ADRA1D: variants seen among roughly 807,000 people sequenced by gnomAD.
ADRA1D encodes adrenoceptor alpha 1D.
In ADRA1D, 22 loss-of-function variants were observed where a neutral mutation model predicts 18.6. The ratio of observed to expected loss-of-function variants is 1.19; its 90% CI spans 0.85 to 1.69. ADRA1D has a LOEUF of 1.69. ADRA1D is among the 40% of genes most tolerant of loss of function. The pLI is 0.00. For missense variants in ADRA1D, 840 were observed against 840.7 expected, an observed-to-expected ratio of 1.00 and a Z score of 0.01; for synonymous variants, 376 against 388.2, an observed-to-expected ratio of 0.97 and a Z score of 0.37.
chr20:4,230,640 C>T (rs896583290), intron 1 of ADRA1D, among the ~76,000 whole-genome samples: 4 of 152,240 alleles, frequency 2.6e-5, no homozygotes, highest in African/African-American at 9.6e-5. Flanking sequence ...CCTTTCCCTT[C>T]TGAAAACTGT....
intron 1 of ADRA1D, among the ~76,000 whole-genome samples, chr20:4,246,402 TA>T (rs1216644381): frequency 6.6e-6 from 1 of 152,256 alleles, no homozygotes; most frequent in East Asian, 1.9e-4. Context: ...AGCCAAGACC[TA>T]AAGGATAGAG....
chr20:4,229,435 T>C (rs1980903466), intron 1 of ADRA1D, among the ~76,000 whole-genome samples: 1 of 150,688 alleles, frequency 6.6e-6, no homozygotes, highest in Admixed American at 6.6e-5. Context: ...TGGGGGCGAG[T>C]GTGCTTGTGA....
intron 1 of ADRA1D, among the ~76,000 whole-genome samples, chr20:4,240,779 G>A (rs1981193371): frequency 6.6e-6 from 1 of 152,108 alleles, no homozygotes; most frequent in African/African-American, 2.4e-5. Context: ...GGGAGACAGA[G>A]AGACTCCATC....
intron 1 of ADRA1D, among the ~76,000 whole-genome samples, chr20:4,243,623 C>T (rs1033194101): frequency 6.6e-6 from 1 of 152,116 alleles, no homozygotes; most frequent in African/African-American, 2.4e-5. Context: ...TCACTATGCA[C>T]GGAGCAGGCA....
rs555566286 is a variant in ADRA1D at position 4,230,719 on chromosome 20, C to A, written c.1112-8589G>T. On this transcript the variant is annotated intron_variant, in intron 1 of 1. Coordinates refer to ENST00000379453, the MANE Select transcript of ADRA1D (RefSeq NM_000678.4). Reference sequence around the variant, plus strand: ...CTGCTCACAAGGAAACACAACGTTTCTAGGGCCAGTGCTGTCTTTGTCCTG... The same window carrying A: ...CTGCTCACAAGGAAACACAACGTTTATAGGGCCAGTGCTGTCTTTGTCCTG... Among the ~76,000 whole-genome samples, 12 of 152,378 alleles carry A rather than the reference C, an allele frequency of 7.9e-5. No individual in the cohort carries two copies. The South Asian group carries it at 2.5e-3, about 32-fold the overall frequency.
intron 1 of ADRA1D, among the ~76,000 whole-genome samples, chr20:4,234,752 ATACAG>A (rs1981049986): frequency 6.6e-6 from 1 of 152,188 alleles, no homozygotes; most frequent in African/African-American, 2.4e-5. Context: ...AGCCTCTCTA[ATACAG>A]TACACTTGAG....
In ADRA1D at chr20:4,248,200, C is replaced by T; in HGVS notation, c.758G>A (p.Gly253Asp). Residue 253 changes from glycine (G) to aspartate (D), a missense_variant, in exon 1 of 2, where the codon GGC becomes GAC. By Grantham distance (94) the Gly-to-Asp change is moderately conservative (BLOSUM62 -1). Coordinates refer to ENST00000379453, the MANE Select transcript of ADRA1D (RefSeq NM_000678.4). ...GCACACGGAGGAGAAGACAGCGTAG[C>T]CCGCCTCCTCGGTGATACCGCAGAA... Reference protein sequence around the residue: ...ERFCGITEEAGYAVFSSVCSF... With the variant: ...ERFCGITEEADYAVFSSVCSF... 4 of 1,590,396 alleles carry T rather than the reference C, an allele frequency of 2.5e-6. No homozygotes were observed. Among genetic ancestry groups the T allele is most frequent in the Admixed American group, 1.8e-5 (1 of 56,170 alleles).
chr20:4,227,015 C>G (rs1600845884), intron 1 of ADRA1D, among the ~76,000 whole-genome samples: 1 of 152,204 alleles, frequency 6.6e-6, no homozygotes, highest in Non-Finnish European at 1.5e-5. Context: ...ATGCAGGGAT[C>G]TCTGGAAGTC....
chr20:4,223,252 T>C (rs766625166), intron 1 of ADRA1D, among the ~76,000 whole-genome samples: 5 of 152,260 alleles, frequency 3.3e-5, no homozygotes, highest in Non-Finnish European at 7.3e-5. Flanking sequence ...TGCAGAAGCA[T>C]ATTCATTAGC....
Position 4,221,868 on chromosome 20 carries a change from G to A in ADRA1D, c.1374C>T (p.Pro458=), listed in dbSNP as rs1008039802. 4.8e-6 allele frequency: 7 copies of A among 1,463,282 alleles called. No individual in the cohort carries two copies. Among genetic ancestry groups the A allele is most frequent in the Non-Finnish European group, 5.4e-6 (6 of 1,116,470 alleles). The allele number at this position is 1,463,282 out of a possible 1,614,324, so 90.6% of individuals were successfully genotyped here. A position where few individuals can be genotyped will look rare whatever the true frequency, so the allele number is the denominator to read the frequency against. The change falls in exon 2 of 2, where the codon CCC becomes CCT. Residue 458 remains proline (P), a synonymous_variant. Coordinates refer to ENST00000379453, the MANE Select transcript of ADRA1D (RefSeq NM_000678.4). ...DCAPSSGDAP[P]GAPLALTALP... Reference sequence around the variant, plus strand: ...GCGCGGTGAGGGCCAGCGGCGCTCCGGGGGGCGCGTCGCCCGAACTCGGGG... The same window carrying A: ...GCGCGGTGAGGGCCAGCGGCGCTCCAGGGGGCGCGTCGCCCGAACTCGGGG...
intron 1 of ADRA1D, among the ~76,000 whole-genome samples, chr20:4,244,941 C>T (rs1180724578): frequency 6.6e-6 from 1 of 152,220 alleles, no homozygotes; most frequent in Non-Finnish European, 1.5e-5. Flanking sequence ...AAGCCTGGTG[C>T]AGCACAGACC....
At chr20:4,236,064 G>A (rs1027733790) in intron 1 of ADRA1D, among the ~76,000 whole-genome samples, 3 of 152,194 alleles carry the variant, frequency 2.0e-5, no homozygotes, top group African/African-American at 7.2e-5. Context: ...TCGGTGGGAT[G>A]GAAAGCTGAA....
intron 1 of ADRA1D, among the ~76,000 whole-genome samples, chr20:4,245,739 G>A (rs2122679147): frequency 1.3e-5 from 2 of 152,286 alleles, no homozygotes; most frequent in South Asian, 4.1e-4. Context: ...GGGCACCCAG[G>A]AGCCCAGCAC....
chr20:4,236,235 T>G (rs1981088382), intron 1 of ADRA1D, among the ~76,000 whole-genome samples: 2 of 152,216 alleles, frequency 1.3e-5, no homozygotes, highest in Admixed American at 6.5e-5. Flanking sequence ...ACCTCTCTGG[T>G]GCCTCAGTTT....
intron 1 of ADRA1D, among the ~76,000 whole-genome samples, chr20:4,241,592 A>G (rs1176463342): frequency 6.6e-6 from 1 of 152,170 alleles, no homozygotes; most frequent in Non-Finnish European, 1.5e-5. Context: ...AGGTGCCACA[A>G]AGCACAGGTA....
At chr20:4,237,771 C>T (rs1981128041) in intron 1 of ADRA1D, among the ~76,000 whole-genome samples, 1 of 150,972 alleles carries the variant, frequency 6.6e-6, no homozygotes, top group South Asian at 2.1e-4. Context: ...TCAAGCGATT[C>T]TCCTGCCTCA....
chr20:4,231,038 T>TTTCTTTCTTTCTTTCTTTCTTTC (rs1980945003), intron 1 of ADRA1D, among the ~76,000 whole-genome samples: 1 of 108,526 alleles, frequency 9.2e-6, no homozygotes, highest in Non-Finnish European at 1.8e-5. Context: ...CTTTCTTTCT[T>TTTCTTTCTTTCTTTCTTTCTTTC]TTTCTTTCTT....
chr20:4,231,547 G>A (rs1600847953), intron 1 of ADRA1D, among the ~76,000 whole-genome samples: 1 of 152,238 alleles, frequency 6.6e-6, no homozygotes, highest in East Asian at 1.9e-4. Flanking sequence ...ACAAGTAAAT[G>A]GCACTTGAAT....
At chr20:4,247,824 C>G in intron 1 of ADRA1D, 23 bp downstream of exon 1, 1 of 1,493,778 alleles carries the variant, frequency 6.7e-7, no homozygotes. Flanking sequence ...ACAGGAGGGG[C>G]CGGTGGGAGA....
Sources: allele counts gnomAD v4.1 joint callset (sites outside exome capture counted in the v4.1 genomes callset), GRCh38; gene constraint gnomAD v4.1.1; transcripts MANE v1.5; gene names NCBI Gene and HGNC (gene_info 2026-07-23, HGNC 2026-07-21).